Variants in PHF3 observed in about 807,000 individuals in gnomAD.
PHF3 encodes PHD finger protein 3.
Under a neutral mutation model 178.4 loss-of-function variants are expected in PHF3, and 41 were observed. The observed-to-expected ratio is 0.23, with a 90% CI of 0.18 to 0.30. The LOEUF is 0.30. Ranked by LOEUF, PHF3 falls within the 10% of genes least tolerant of loss-of-function variation. The pLI is 1.00. For missense variants in PHF3, 2,346 were observed against 2,398.1 expected (o/e 0.98, Z 0.45); for synonymous variants, 842 against 800.5 (o/e 1.05, Z -0.88).
At chr6:63,664,810 G>A (rs986862465) in intron 2 of PHF3, among the ~76,000 whole-genome samples, 1 of 151,716 alleles carries the variant, frequency 6.6e-6, no homozygotes, top group African/African-American at 2.4e-5. Flanking sequence ...AAGATAACTC[G>A]ATTATACATA....
chr6:63,685,468 T>G lies in PHF3; in HGVS notation c.1746T>G (p.Asp582Glu), dbSNP rs769435533. ...CTGTACTGAAAAAAACATTACAGGA[T>G]CAAACTTTAGTACAAATTTTCAAGC... Reference protein sequence around the residue: ...AHSVLKKTLQDQTLVQIFKPL... With the variant: ...AHSVLKKTLQEQTLVQIFKPL... The change falls in exon 4 of 16, where the codon GAT becomes GAG. Residue 582 changes from aspartate (D) to glutamate (E), a missense_variant. By Grantham distance (45) the Asp-to-Glu change is conservative (BLOSUM62 2). Around this residue, in one of 8 missense-constraint regions of PHF3, gnomAD observed 843 missense variants for 795.2 expected, o/e 1.06. Coordinates refer to ENST00000262043, the MANE Select transcript of PHF3 (RefSeq NM_001370348.2). 6.2e-7 allele frequency: 1 copy of G among 1,614,004 alleles called. No homozygotes were observed. Among genetic ancestry groups the G allele is most frequent in the Admixed American group, 1.7e-5 (1 of 60,008 alleles).
intron 4 of PHF3, among the ~76,000 whole-genome samples, chr6:63,690,128 CATT>C (rs1490495270): frequency 2.0e-5 from 3 of 152,112 alleles, no homozygotes; most frequent in East Asian, 1.9e-4. Flanking sequence ...ATATCTGTAT[CATT>C]ATGGGCCCAT....
intron 2 of PHF3, among the ~76,000 whole-genome samples, chr6:63,673,399 C>G (rs540053992): frequency 6.6e-6 from 1 of 152,170 alleles, no homozygotes; most frequent in East Asian, 1.9e-4. Flanking sequence ...AACCCCAACT[C>G]AGGATAACCA....
chr6:63,680,716 A>G (rs898413382), intron 3 of PHF3, among the ~76,000 whole-genome samples: 1 of 152,036 alleles, frequency 6.6e-6, no homozygotes, highest in African/African-American at 2.4e-5. Context: ...AGTTATACTA[A>G]AACTGCTCTA....
Position 63,714,178 on chromosome 6 carries a change from C to A in PHF3, c.*470C>A, listed in dbSNP as rs1023155028. On this transcript the variant is annotated 3_prime_UTR_variant, in exon 16 of 16. Transcript: ENST00000262043. ...ACAAAAATCCAAGCAACTTCATAAT[C>A]AGATTATGCTAATCATTTAGTTGAG... 2 of 153,552 alleles carry A rather than the reference C, an allele frequency of 1.3e-5. No individual in the cohort carries two copies. The highest frequency in any genetic ancestry group is 2.9e-5 in the Non-Finnish European group (2 of 68,816). The allele number at this position is 153,552 out of a possible 1,614,324, so 9.5% of individuals were successfully genotyped here.
intron 2 of PHF3, among the ~76,000 whole-genome samples, chr6:63,678,089 G>A (rs1412255176): frequency 6.6e-6 from 1 of 152,056 alleles, no homozygotes; most frequent in Non-Finnish European, 1.5e-5. Flanking sequence ...TGGGCATGAT[G>A]GCACACACCT....
In PHF3 at chr6:63,720,951, C is replaced by T. The variant is rs901746105; in HGVS notation, c.*7243C>T. ...GTTATAGCTCATAGGCACAGAGATT[C>T]TTTCTCCCAAGTTAACTGCTATTTT... On this transcript the variant is annotated 3_prime_UTR_variant, in exon 16 of 16. Coordinates refer to ENST00000262043, the MANE Select transcript of PHF3 (RefSeq NM_001370348.2). 5 of 1,551,330 alleles carry T rather than the reference C, an allele frequency of 3.2e-6. No homozygotes were observed. The highest frequency in any genetic ancestry group is 4.4e-6 in the Non-Finnish European group (5 of 1,146,786).
chr6:63,638,081 A>C (rs778754620), intron 1 of PHF3, among the ~76,000 whole-genome samples: 1 of 152,126 alleles, frequency 6.6e-6, no homozygotes, highest in Admixed American at 6.5e-5. Flanking sequence ...GGTCTATGTA[A>C]ATGTAGGTAA....
chr6:63,707,008 TATA>T, intron 13 of PHF3, 132 bp downstream of exon 13: 1 of 753,030 alleles, frequency 1.3e-6, no homozygotes, highest in Non-Finnish European at 2.1e-6. Flanking sequence ...GTCCAAGTAA[TATA>T]ATTATGAATT....
chr6:63,668,572 G>A (rs1369127881), intron 2 of PHF3, among the ~76,000 whole-genome samples: 2 of 151,934 alleles, frequency 1.3e-5, no homozygotes, highest in Non-Finnish European at 2.9e-5. Context: ...GAACTCCTGG[G>A]CTCAAGTGAT....
chr6:63,697,742 TGAG>T (rs1767293614), intron 6 of PHF3, among the ~76,000 whole-genome samples: 1 of 152,192 alleles, frequency 6.6e-6, no homozygotes, highest in African/African-American at 2.4e-5. Context: ...ATTGTTGGCA[TGAG>T]GAGATTCTAG....
At chr6:63,658,394 T>C (rs1195812925) in intron 2 of PHF3, among the ~76,000 whole-genome samples, 1 of 152,160 alleles carries the variant, frequency 6.6e-6, no homozygotes, top group Admixed American at 6.5e-5. Flanking sequence ...CTTCTGTTTC[T>C]TCTCATTTTA....
Position 63,692,227 on chromosome 6 carries a change from T to C in PHF3, c.2496+184T>C, listed in dbSNP as rs181066888. ...TGTCAGTCTTGGTGAAATCAGATGG[T>C]GACTTTTAGAATATGCAGGCCTTAT... is the stretch of plus-strand genomic sequence containing the variant. On this transcript the variant is annotated intron_variant, in intron 5 of 15. Coordinates refer to ENST00000262043, the MANE Select transcript of PHF3 (RefSeq NM_001370348.2). Among the ~76,000 whole-genome samples the C allele has an allele frequency of 3.1e-3, 465 of 152,352 alleles. 2 individuals carry two copies. The highest frequency in any genetic ancestry group is 0.011 in the African/African-American group (450 of 41,586).
intron 2 of PHF3, among the ~76,000 whole-genome samples, chr6:63,660,038 TTGTG>T (rs550554796): frequency 5.3e-5 from 8 of 151,900 alleles, no homozygotes; most frequent in South Asian, 4.2e-4. Flanking sequence ...TATTTTGTTT[TTGTG>T]TGTGTGTGTG....
In PHF3 at chr6:63,723,125, C is replaced by G. The variant is rs1354267303; in HGVS notation, c.*9417C>G. Among the ~76,000 whole-genome samples, 1 of 152,102 alleles carries G rather than the reference C, an allele frequency of 6.6e-6. No homozygotes were observed. The highest frequency in any genetic ancestry group is 1.5e-5 in the Non-Finnish European group (1 of 68,004). On this transcript the variant is annotated 3_prime_UTR_variant, in exon 16 of 16. Transcript: ENST00000262043. Reference sequence around the variant, plus strand: ...TGGGTTGAGATGACTCAGAATATTTCTCAAATAATAGTTTTAGCTTGAAAG... The same window carrying G: ...TGGGTTGAGATGACTCAGAATATTTGTCAAATAATAGTTTTAGCTTGAAAG...
At chr6:63,692,074 T>A (rs889513781) in intron 5 of PHF3, 31 bp downstream of exon 5, 3 of 1,485,246 alleles carry the variant, frequency 2.0e-6, no homozygotes, top group Middle Eastern at 2.5e-4. Flanking sequence ...TTATTTTGTT[T>A]ATTTAAGAGC....
intron 1 of PHF3, among the ~76,000 whole-genome samples, chr6:63,639,863 G>T (rs1422322011): frequency 6.6e-6 from 1 of 152,090 alleles, no homozygotes; most frequent in Admixed American, 6.5e-5. Flanking sequence ...CCACTACTTT[G>T]GTGGTTTATT....
intron 2 of PHF3, chr6:63,679,718 C>CAAGT (rs764396851): frequency 1.8e-4 from 77 of 430,600 alleles, no homozygotes; most frequent in Non-Finnish European, 3.1e-4. Flanking sequence ...AAGGGGTCAG[C>CAAGT]AAGTAATAAA....
Position 63,713,772 on chromosome 6 carries a change from A to G in PHF3, c.*64A>G. ...TTAAAATGTTGTATCTTGTAAACAA[A>G]AGAAAGATTGCCTGCTAGGATTGTG... On this transcript the variant is annotated 3_prime_UTR_variant, in exon 16 of 16. Coordinates refer to ENST00000262043, the MANE Select transcript of PHF3 (RefSeq NM_001370348.2). 4 of 1,316,418 alleles carry G rather than the reference A, an allele frequency of 3.0e-6. No individual in the cohort carries two copies. The East Asian group carries it at 1.0e-4, about 33-fold the overall frequency. The allele number at this position is 1,316,418 out of a possible 1,614,324, so 81.5% of individuals were successfully genotyped here.
Sources: allele counts gnomAD v4.1 joint callset (sites outside exome capture counted in the v4.1 genomes callset), GRCh38; gene constraint gnomAD v4.1.1; regional missense constraint gnomAD v4.1.1; transcripts MANE v1.5; gene names NCBI Gene and HGNC (gene_info 2026-07-23, HGNC 2026-07-21).